The following DPYD variants were observed in gnomAD, a reference collection of about 807,000 sequenced individuals.
DPYD encodes dihydropyrimidine dehydrogenase.
In DPYD, 109 loss-of-function variants were observed where a neutral mutation model predicts 116.2. That is an observed-to-expected ratio of 0.94 (90% CI 0.80 to 1.10). The LOEUF (loss-of-function observed/expected upper bound fraction) is 1.10. DPYD is among the 50% of genes least tolerant of loss of function. The probability of loss-of-function intolerance (pLI) is 0.00; values close to 1 mark genes in which losing one functional copy is unlikely to be tolerated. For synonymous variants in DPYD, 440 were observed against 432.0 expected (o/e 1.02, Z -0.23); for missense variants, 1,302 against 1,254.5 (o/e 1.04, Z -0.57).
At chr1:97,786,758 T>C (rs1237196517) in intron 3 of DPYD, among the ~76,000 whole-genome samples, 1 of 152,232 alleles carries the variant, frequency 6.6e-6, no homozygotes, top group African/African-American at 2.4e-5. Context: ...ACTTATGTTA[T>C]CTTGGCAACA....
At chr1:97,478,628 T>C (rs1468565029) in intron 13 of DPYD, among the ~76,000 whole-genome samples, 2 of 152,198 alleles carry the variant, frequency 1.3e-5, no homozygotes, top group Non-Finnish European at 2.9e-5. Context: ...TTCCAAATGG[T>C]ACATGAGCAT....
At chr1:97,783,645 C>T (rs1557958521) in intron 3 of DPYD, among the ~76,000 whole-genome samples, 1 of 152,010 alleles carries the variant, frequency 6.6e-6, no homozygotes. Context: ...CCTGTCTTGG[C>T]CTCCCAAAGT....
chr1:97,661,864 CTCT>C (rs1659276475), intron 8 of DPYD, among the ~76,000 whole-genome samples: 1 of 151,698 alleles, frequency 6.6e-6, no homozygotes, highest in African/African-American at 2.4e-5. Context: ...TCCCATTCAT[CTCT>C]TTTTAAATAT....
chr1:97,549,329 G>T (rs1302941074), intron 12 of DPYD, among the ~76,000 whole-genome samples: 4 of 152,072 alleles, frequency 2.6e-5, no homozygotes, highest in Non-Finnish European at 4.4e-5. Context: ...CTCCAAAATT[G>T]CTGGGATTAT....
chr1:97,147,627 G>A (rs529129664), intron 20 of DPYD, among the ~76,000 whole-genome samples: 5 of 152,270 alleles, frequency 3.3e-5, no homozygotes, highest in African/African-American at 1.2e-4. Flanking sequence ...TGATATTTGA[G>A]ATAAAGATAA....
At position 97,573,987 on chromosome 1, in the gene DPYD, C is replaced by G. The variant is rs2102185230; in HGVS notation, c.1129-17G>C. 1 of 1,612,700 alleles carries G rather than the reference C, an allele frequency of 6.2e-7. No homozygotes were observed. Among genetic ancestry groups the G allele is most frequent in the Non-Finnish European group, 8.5e-7 (1 of 1,179,186 alleles). ...AAGTTCCATCTAAAACAAAACAGAA[C>G]AGAGAAGAAACTTGAAAATGTTTCT... On this transcript the variant is annotated splice_polypyrimidine_tract_variant and intron_variant, in intron 10 of 22. Coordinates refer to ENST00000370192, the MANE Select transcript of DPYD (RefSeq NM_000110.4).
intron 20 of DPYD, among the ~76,000 whole-genome samples, chr1:97,133,498 A>T (rs1431783896): frequency 6.6e-6 from 1 of 152,026 alleles, no homozygotes; most frequent in Non-Finnish European, 1.5e-5. Flanking sequence ...ATTTTCTTCT[A>T]CATGTACTTT....
At chr1:97,657,731 T>C (rs1041942261) in intron 8 of DPYD, among the ~76,000 whole-genome samples, 1 of 152,184 alleles carries the variant, frequency 6.6e-6, no homozygotes, top group Non-Finnish European at 1.5e-5. Flanking sequence ...TTTATCTTAA[T>C]AACGGTATCA....
intron 12 of DPYD, chr1:97,546,856 C>A (rs1650907373): frequency 2.5e-6 from 4 of 1,610,846 alleles, no homozygotes; most frequent in Non-Finnish European, 3.4e-6. Context: ...GCCAGAAAAT[C>A]ACCCACAGTG....
At chr1:97,781,632 A>C (rs1407613822) in intron 3 of DPYD, among the ~76,000 whole-genome samples, 1 of 152,216 alleles carries the variant, frequency 6.6e-6, no homozygotes, top group Non-Finnish European at 1.5e-5. Context: ...ATGATGTGAT[A>C]AAGATCACTG....
At chr1:97,737,103 AT>A (rs1664000929) in intron 4 of DPYD, among the ~76,000 whole-genome samples, 1 of 152,130 alleles carries the variant, frequency 6.6e-6, no homozygotes, top group South Asian at 2.1e-4. Context: ...TATTACGGAC[AT>A]TTTCTAAAAT....
At chr1:97,088,149 A>AT (rs1649651153) in intron 21 of DPYD, among the ~76,000 whole-genome samples, 1 of 152,054 alleles carries the variant, frequency 6.6e-6, no homozygotes, top group South Asian at 2.1e-4. Flanking sequence ...TCAGCTTCTC[A>AT]TTTTTCTTGA....
intron 16 of DPYD, among the ~76,000 whole-genome samples, chr1:97,319,612 T>A (rs1668108051): frequency 1.6e-5 from 2 of 127,786 alleles, no homozygotes; most frequent in Admixed American, 8.4e-5. Flanking sequence ...CCAAAAAGAG[T>A]CCAGGACCAC....
At chr1:97,537,569 G>T (rs762757658) in intron 12 of DPYD, among the ~76,000 whole-genome samples, 39 of 152,156 alleles carry the variant, frequency 2.6e-4, no homozygotes, top group South Asian at 2.1e-4. Flanking sequence ...TGATATGAAT[G>T]CACACAATTC....
chr1:97,162,143 C>T (rs1655957502), intron 20 of DPYD, among the ~76,000 whole-genome samples: 1 of 152,168 alleles, frequency 6.6e-6, no homozygotes, highest in Admixed American at 6.5e-5. Flanking sequence ...TGAGGAATCG[C>T]CACACTGACT....
Position 97,515,865 on chromosome 1 carries a change from C to T in DPYD, c.1601G>A (p.Ser534Asn), listed in dbSNP as rs1801158. The T allele has an allele frequency of 0.019, 30,290 of 1,612,856 alleles. 337 individuals are homozygous for T. The highest frequency in any genetic ancestry group is 0.033 in the Middle Eastern group (199 of 6,056). The change falls in exon 13 of 23, where the codon AGT (serine) becomes AAT (asparagine). Residue 534 changes from serine (S) to asparagine (N), a missense_variant. Physicochemically the swap from Ser to Asn is conservative, Grantham distance 46 (BLOSUM62 1). Transcript: ENST00000370192. ...FYTPIDLVDI[S>N]VEMAGLKFIN... is the part of the protein sequence containing the mutation. ...AAACTTCAATCCGGCCATTTCTACACTAATGTCCACCAGATCAATAGGAGT... is the reference window on the plus strand; with the variant it reads ...AAACTTCAATCCGGCCATTTCTACATTAATGTCCACCAGATCAATAGGAGT...
chr1:97,626,633 A>C (rs892337947), intron 8 of DPYD, among the ~76,000 whole-genome samples: 11 of 151,978 alleles, frequency 7.2e-5, no homozygotes, highest in African/African-American at 2.4e-4. Context: ...ATGTTAAATC[A>C]ATATCAGTTA....
chr1:97,900,124 G>A (rs996488105), intron 1 of DPYD, among the ~76,000 whole-genome samples: 2 of 151,874 alleles, frequency 1.3e-5, no homozygotes, highest in African/African-American at 4.8e-5. Context: ...CTCATTAAAG[G>A]GAGAGGTATA....
intron 2 of DPYD, among the ~76,000 whole-genome samples, chr1:97,871,400 C>T (rs1423550483): frequency 6.6e-6 from 1 of 151,752 alleles, no homozygotes; most frequent in African/African-American, 2.4e-5. Context: ...ATAAATATTT[C>T]ACTCTTGGGC....
Sources: allele counts gnomAD v4.1 joint callset (sites outside exome capture counted in the v4.1 genomes callset), GRCh38; gene constraint gnomAD v4.1.1; transcripts MANE v1.5; gene names NCBI Gene and HGNC (gene_info 2026-07-23, HGNC 2026-07-21).